GRAMD2B: variants seen among roughly 807,000 people sequenced by gnomAD.
The protein encoded by GRAMD2B is GRAM domain containing 2B.
Under a neutral mutation model 59.2 loss-of-function variants are expected in GRAMD2B, and 41 were observed. The ratio of observed to expected loss-of-function variants is 0.69; its 90% confidence interval spans 0.54 to 0.90. The LOEUF is 0.90. Ranked by LOEUF, GRAMD2B falls within the 40% of genes least tolerant of loss-of-function variation. The pLI is 0.00. For missense variants in GRAMD2B, 424 were observed against 500.5 expected, an observed-to-expected ratio of 0.85 and a Z score of 1.46; for synonymous variants, 161 against 182.7, an observed-to-expected ratio of 0.88 and a Z score of 0.96.
intron 6 of GRAMD2B, among the ~76,000 whole-genome samples, chr5:126,478,750 TAATA>T (rs1276910554): frequency 1.3e-5 from 2 of 152,006 alleles, no homozygotes; most frequent in African/African-American, 4.8e-5. Context: ...CTCAAAAAAG[TAATA>T]AATATATATA....
At chr5:126,466,825 C>T (rs1768514356) in intron 2 of GRAMD2B, among the ~76,000 whole-genome samples, 1 of 152,174 alleles carries the variant, frequency 6.6e-6, no homozygotes, top group South Asian at 2.1e-4. Flanking sequence ...CTACAGCAGG[C>T]ACCTTAAAAA....
chr5:126,434,586 T>C (rs191059795), intron 1 of GRAMD2B, among the ~76,000 whole-genome samples: 128 of 152,180 alleles, frequency 8.4e-4, no homozygotes, highest in Middle Eastern at 3.4e-3. Flanking sequence ...GGTGCGATCT[T>C]GGCTCACTGC....
intron 11 of GRAMD2B, 65 bp downstream of exon 11, chr5:126,485,838 T>G: frequency 7.3e-6 from 7 of 960,902 alleles, no homozygotes; most frequent in Non-Finnish European, 9.7e-6. Flanking sequence ...GAATAATCTC[T>G]TCACACTGCC....
intron 1 of GRAMD2B, among the ~76,000 whole-genome samples, chr5:126,452,336 A>G (rs1561543983): frequency 1.3e-5 from 2 of 151,312 alleles, no homozygotes; most frequent in South Asian, 4.2e-4. Flanking sequence ...TAATCTAATC[A>G]CCTCCCAAAA....
At position 126,472,254 on chromosome 5, in the gene GRAMD2B, A is replaced by C; in HGVS notation, c.332A>C (p.His111Pro). ...SSSSQYKANM[H>P]FHKLFLSVPT... ...TCATTGTAGTACAAGGCCAATATGCACTTTCACAAGTTGTTTCTTAGTGTC... is the reference window on the plus strand; with the variant it reads ...TCATTGTAGTACAAGGCCAATATGCCCTTTCACAAGTTGTTTCTTAGTGTC... Residue 111 changes from histidine (H) to proline (P), a missense_variant, in exon 4 of 14, where the codon CAC (histidine) becomes CCC (proline). Physicochemically the swap from His to Pro is moderately conservative, Grantham distance 77. Coordinates refer to ENST00000285689, the MANE Select transcript of GRAMD2B (RefSeq NM_023927.4). 6.2e-7 allele frequency: 1 copy of C among 1,613,738 alleles called. No individual in the cohort carries two copies. The highest frequency in any genetic ancestry group is 1.3e-5 in the African/African-American group (1 of 75,062).
upstream of GRAMD2B, among the ~76,000 whole-genome samples, chr5:126,367,356 A>T (rs1410656175): frequency 1.3e-5 from 2 of 151,672 alleles, no homozygotes; most frequent in African/African-American, 4.9e-5. Flanking sequence ...GGAAAACTCC[A>T]TTTTGAAGCT....
chr5:126,410,045 T>C (rs1324057168), intron 1 of GRAMD2B, among the ~76,000 whole-genome samples: 1 of 151,850 alleles, frequency 6.6e-6, no homozygotes, highest in Non-Finnish European at 1.5e-5. Context: ...TCCATTGATC[T>C]ATATCTCTGT....
intron 1 of GRAMD2B, among the ~76,000 whole-genome samples, chr5:126,460,145 G>A (rs1442683709): frequency 6.6e-6 from 1 of 151,922 alleles, no homozygotes; most frequent in East Asian, 1.9e-4. Context: ...TAAAAAAAAA[G>A]CAAGGTGCAG....
chr5:126,396,314 C>CCT (rs1465957921), intron 1 of GRAMD2B, among the ~76,000 whole-genome samples: 1 of 152,088 alleles, frequency 6.6e-6, no homozygotes, highest in East Asian at 1.9e-4. Context: ...TTTTCCTGAT[C>CCT]CTCTCCCTAC....
rs1773433226 is a variant in GRAMD2B at position 126,488,876 on chromosome 5, T to C, written c.1241T>C (p.Ile414Thr). 6.2e-7 allele frequency: 1 copy of C among 1,613,008 alleles called. No homozygotes were observed. The highest frequency in any genetic ancestry group is 8.5e-7 in the Non-Finnish European group (1 of 1,179,122). Residue 414 changes from isoleucine to threonine, a missense_variant, in exon 13 of 14, where the codon ATA becomes ACA. Ile to Thr is a moderately conservative substitution (Grantham distance 89). Coordinates refer to ENST00000285689, the MANE Select transcript of GRAMD2B (RefSeq NM_023927.4). ...EVLCQELTAN[I>T]VKLEKIQNNL... ...CTCTGTCAAGAGCTTACAGCTAACA[T>C]AGTGAAATTAGAAAAGGTGACCTAT...
chr5:126,366,912 T>TG (rs1561452273), upstream of GRAMD2B, among the ~76,000 whole-genome samples: 1 of 143,054 alleles, frequency 7.0e-6, no homozygotes, highest in Non-Finnish European at 1.5e-5. Flanking sequence ...TGGAGTGCAG[T>TG]GGCGCGATCT....
chr5:126,481,237 AAGAAAGAAAG>A (rs1245490870), intron 8 of GRAMD2B, among the ~76,000 whole-genome samples: 1 of 84,404 alleles, frequency 1.2e-5, no homozygotes, highest in Non-Finnish European at 2.8e-5. Flanking sequence ...GAAAGAAAGA[AAGAAAGAAAG>A]AAAAGAAAAA....
chr5:126,407,059 AT>A (rs1355706784), intron 1 of GRAMD2B, among the ~76,000 whole-genome samples: 2 of 152,044 alleles, frequency 1.3e-5, no homozygotes, highest in Non-Finnish European at 2.9e-5. Context: ...AATTGTGATA[AT>A]TTGACATTCT....
intron 1 of GRAMD2B, among the ~76,000 whole-genome samples, chr5:126,455,997 G>A (rs983345740): frequency 7.9e-5 from 12 of 152,118 alleles, no homozygotes; most frequent in Non-Finnish European, 1.8e-4. Flanking sequence ...ATAAAATCTG[G>A]TATTAGGTTT....
At chr5:126,465,597 C>A in intron 2 of GRAMD2B, 52 bp downstream of exon 2, 3 of 1,543,194 alleles carry the variant, frequency 1.9e-6, no homozygotes, top group Non-Finnish European at 1.8e-6. Context: ...GGGGAGAAGG[C>A]GTTACAGGAG....
chr5:126,416,417 G>A (rs1759269536), intron 1 of GRAMD2B, among the ~76,000 whole-genome samples: 1 of 152,166 alleles, frequency 6.6e-6, no homozygotes, highest in Admixed American at 6.5e-5. Context: ...CAGGAGTATG[G>A]TTGAAACTCA....
upstream of GRAMD2B, among the ~76,000 whole-genome samples, chr5:126,369,895 T>A (rs1212443286): frequency 6.6e-6 from 1 of 152,238 alleles, no homozygotes; most frequent in Non-Finnish European, 1.5e-5. Flanking sequence ...TGCAGGTTGT[T>A]GCTATTGTAT....
At chr5:126,463,196 C>G (rs73785313) in intron 1 of GRAMD2B, among the ~76,000 whole-genome samples, 208 of 152,320 alleles carry the variant, frequency 1.4e-3, no homozygotes, top group African/African-American at 4.7e-3. Context: ...CAGAGTGGCT[C>G]TCTGTACACA....
chr5:126,409,821 G>C (rs1758610075), intron 1 of GRAMD2B, among the ~76,000 whole-genome samples: 2 of 152,086 alleles, frequency 1.3e-5, no homozygotes, highest in South Asian at 4.1e-4. Flanking sequence ...TATGGTTTTA[G>C]GTCTAATGTT....
Sources: gnomAD v4.1 joint callset for allele counts (sites outside exome capture counted in the v4.1 genomes callset) on GRCh38, gnomAD v4.1.1 for gene constraint, MANE v1.5 for transcripts, NCBI Gene and HGNC (gene_info 2026-07-23, HGNC 2026-07-21) for gene names.